MROH1: variants seen among roughly 807,000 people sequenced by gnomAD.
MROH1 encodes the protein maestro heat-like repeat-containing protein family member 1.
MROH1 carries 117 observed loss-of-function variants against 116.5 expected under a neutral mutation model. The observed-to-expected ratio is 1.00, with a 90% CI of 0.86 to 1.17. MROH1 has a LOEUF of 1.17. Ranked by LOEUF, MROH1 falls within the 50% of genes most tolerant of loss-of-function variation. The pLI, the probability that MROH1 is intolerant of heterozygous loss-of-function variation, is 0.00. For missense variants in MROH1, 1,873 were observed against 1,338.5 expected, an observed-to-expected ratio of 1.40 and a Z score of -6.23; for synonymous variants, 921 against 583.9, an observed-to-expected ratio of 1.58 and a Z score of -8.32.
intron 35 of MROH1, 64 bp from the exon 36 acceptor site, chr8:144,258,713 A>T: frequency 1.4e-6 from 1 of 716,268 alleles, no homozygotes; most frequent in East Asian, 2.6e-5. Flanking sequence ...AGACCTGAGG[A>T]GTTAATCAGG....
intron 10 of MROH1, among the ~76,000 whole-genome samples, chr8:144,193,901 GC>G (rs1486731675): frequency 2.0e-5 from 3 of 152,052 alleles, no homozygotes; most frequent in African/African-American, 7.2e-5. Flanking sequence ...GAGCCACGGA[GC>G]CCAGCCAAGA....
intron 14 of MROH1, among the ~76,000 whole-genome samples, chr8:144,225,911 T>TTG (rs1491166180): frequency 2.1e-4 from 8 of 37,214 alleles, no homozygotes; most frequent in African/African-American, 1.5e-3. Context: ...TCATTTTTAG[T>TTG]TTTTTTTTTT....
rs745992768 is a variant in MROH1 at position 144,222,784 on chromosome 8, ACAGGTATGTGGGTACAGGCCCAGGCC to A, written c.1216-299_1216-274del. Among the ~76,000 whole-genome samples the A allele has an allele frequency of 3.3e-4, 50 of 151,946 alleles. No homozygotes were observed. The South Asian group carries it at 4.0e-3, about 12-fold the overall frequency. On this transcript the variant is annotated intron_variant, in intron 13 of 43. Coordinates refer to ENST00000326134, the MANE Select transcript of MROH1 (RefSeq NM_032450.3). ...TGTGGGTATAGGTGTGGGCGTTGGC[ACAGGTATGTGGGTACAGGCCCAGGCC>A]CAGGTATGTGGGTACAGGCCCAGGT...
At chr8:144,222,569 T>C (rs974529606) in intron 13 of MROH1, among the ~76,000 whole-genome samples, 1 of 149,502 alleles carries the variant, frequency 6.7e-6, no homozygotes, top group African/African-American at 2.5e-5. Context: ...GGTATAGATA[T>C]GGGTGTGAGT....
chr8:144,178,415 A>C (rs1587923768), intron 4 of MROH1, among the ~76,000 whole-genome samples: 1 of 145,588 alleles, frequency 6.9e-6, no homozygotes, highest in Non-Finnish European at 1.5e-5. Flanking sequence ...TACAGGCGTG[A>C]GCCACCACGC....
rs551519335 is a variant in MROH1, at chr8:144,216,970, G to C, written c.1142-3630G>C. On this transcript the variant is annotated intron_variant, in intron 12 of 43. Coordinates refer to ENST00000326134, the MANE Select transcript of MROH1 (RefSeq NM_032450.3). ...CCCAAAGTGCTGGGATTACAGATGT[G>C]AGCCATCGCGCCTGGCCTATTGCTA... Among the ~76,000 whole-genome samples the C allele has an allele frequency of 2.2e-4, 33 of 152,232 alleles. 1 individual carries two copies. The South Asian group carries it at 6.8e-3, about 32-fold the overall frequency.
At chr8:144,215,393 A>G (rs73368434) in intron 12 of MROH1, among the ~76,000 whole-genome samples, 8,889 of 152,242 alleles carry the variant, frequency 0.058, 883 homozygotes, top group African/African-American at 0.2. Flanking sequence ...GCAGCAGGAC[A>G]CGTAACAGAG....
Position 144,159,428 on chromosome 8 carries a change from AT to A in MROH1, c.-176-1537del, listed in dbSNP as rs1818953616. On this transcript the variant is annotated intron_variant, in intron 1 of 43. Coordinates refer to ENST00000326134, the MANE Select transcript of MROH1 (RefSeq NM_032450.3). ...TTTAGATTGGTCTATTGTTCCTTGCATTTTTATTAGTTTTGGCTTTGTGTAT... is the reference window on the plus strand; with the variant it reads ...TTTAGATTGGTCTATTGTTCCTTGCATTTTATTAGTTTTGGCTTTGTGTAT... Among the ~76,000 whole-genome samples, 4 of 152,166 alleles carry A rather than the reference AT, an allele frequency of 2.6e-5. No homozygotes were observed. In the South Asian group the frequency reaches 8.3e-4, roughly 32 times the overall value.
chr8:144,248,918 C>A lies in MROH1; in HGVS notation c.3162C>A (p.Leu1054=), dbSNP rs1355205665. 2.6e-6 allele frequency: 2 copies of A among 777,634 alleles called. No homozygotes were observed. Among genetic ancestry groups the A allele is most frequent in the African/African-American group, 3.4e-5 (2 of 59,100 alleles). 48.2% of individuals were successfully genotyped at this position (777,634 alleles called of 1,614,324 possible). The part of the protein sequence containing the change: ...KRLPPDQLIS[L]LLTMFEALGD... The stretch of plus-strand genomic sequence containing the variant: ...TCCCCCCAGACCAGCTCATCAGCCT[C>A]TTGCTAACCATGTTTGAGGCCCTGG... Residue 1054 remains leucine, a synonymous_variant, in exon 32 of 44, where the codon CTC becomes CTA. Coordinates refer to ENST00000326134, the MANE Select transcript of MROH1 (RefSeq NM_032450.3).
chr8:144,168,817 G>A (rs1821677633), intron 4 of MROH1, among the ~76,000 whole-genome samples: 1 of 152,246 alleles, frequency 6.6e-6, no homozygotes, highest in Non-Finnish European at 1.5e-5. Flanking sequence ...CAAGGGGCCA[G>A]AAACACTGAT....
At chr8:144,227,036 G>A (rs1438335545) in intron 14 of MROH1, among the ~76,000 whole-genome samples, 1 of 152,128 alleles carries the variant, frequency 6.6e-6, no homozygotes, top group Non-Finnish European at 1.5e-5. Flanking sequence ...CCATTGTAAT[G>A]GTACAATTTT....
chr8:144,155,642 T>C (rs1026366422), intron 1 of MROH1, among the ~76,000 whole-genome samples: 4 of 149,170 alleles, frequency 2.7e-5, no homozygotes, highest in Admixed American at 2.0e-4. Context: ...GTTTTTCTTT[T>C]TTTTTTTTTT....
chr8:144,160,293 T>C (rs1472391658), intron 1 of MROH1, among the ~76,000 whole-genome samples: 1 of 152,184 alleles, frequency 6.6e-6, no homozygotes, highest in African/African-American at 2.4e-5. Context: ...AATCCTGAGC[T>C]CTGCCTGGTG....
chr8:144,176,526 C>T (rs1288253065), intron 4 of MROH1, among the ~76,000 whole-genome samples: 1 of 132,048 alleles, frequency 7.6e-6, no homozygotes, highest in African/African-American at 3.0e-5. Context: ...TGGAGTGAGA[C>T]CCTGACTCAG....
chr8:144,153,115 G>A (rs1483436462), intron 1 of MROH1, among the ~76,000 whole-genome samples: 2 of 152,076 alleles, frequency 1.3e-5, no homozygotes, highest in Non-Finnish European at 2.9e-5. Context: ...GTGAGATCAC[G>A]TGGTCGTCTT....
chr8:144,165,859 C>T (rs996513285), intron 3 of MROH1, among the ~76,000 whole-genome samples: 2 of 151,590 alleles, frequency 1.3e-5, no homozygotes, highest in Admixed American at 1.3e-4. Context: ...CAGCAGGAGC[C>T]ACTGTGCCCG....
chr8:144,175,226 T>G, intron 4 of MROH1: 1 of 925,892 alleles, frequency 1.1e-6, no homozygotes, highest in Non-Finnish European at 1.3e-6. Flanking sequence ...GCACCCAAGC[T>G]GCCCCTCCCA....
intron 7 of MROH1, among the ~76,000 whole-genome samples, chr8:144,184,271 T>A (rs578007919): frequency 3.3e-5 from 5 of 152,298 alleles, no homozygotes; most frequent in Admixed American, 2.0e-4. Context: ...CCAGTCAGGC[T>A]GCATGGCAGT....
rs926844731 is a variant in MROH1 at position 144,239,149 on chromosome 8, G to A, written c.1561G>A (p.Asp521Asn). The change falls in exon 16 of 44, where the codon GAC becomes AAC. Residue 521 changes from aspartate (D) to asparagine (N), a missense_variant. Asp to Asn is a conservative substitution (Grantham distance 23). Transcript: ENST00000326134. ...LAQKRQEAGA[D>N]AFLIQYDAHA... ...GCAGAAGAGGCAGGAGGCCGGGGCC[G>A]ACGCCTTCCTCATCCAGTACGACGC... 25,244 of 767,778 alleles carry A rather than the reference G, an allele frequency of 0.033. 567 individuals are homozygous for A. The highest frequency in any genetic ancestry group is 0.044 in the Non-Finnish European group (18,375 of 416,806). The allele number at this position is 767,778 out of a possible 1,614,324, so 47.6% of individuals were successfully genotyped here. A position where few individuals can be genotyped will look rare whatever the true frequency, so the allele number is the denominator to read the frequency against.
Sources: allele counts gnomAD v4.1 joint callset (sites outside exome capture counted in the v4.1 genomes callset), GRCh38; gene constraint gnomAD v4.1.1; transcripts MANE v1.5; gene names NCBI Gene and HGNC (gene_info 2026-07-23, HGNC 2026-07-21).